TLN2: variants seen among roughly 807,000 people sequenced by gnomAD.
TLN2 encodes talin-2.
A neutral mutation model predicts 294.7 loss-of-function variants in TLN2; 118 were observed. The observed-to-expected ratio is 0.40, with a 90% confidence interval of 0.34 to 0.47. TLN2 has a LOEUF of 0.47. Ranked by LOEUF, TLN2 falls within the 20% of genes least tolerant of loss-of-function variation. TLN2 has a pLI of 0.84. For synonymous variants in TLN2, 1,431 were observed against 1,304.5 expected (o/e 1.10, Z -2.09); for missense variants, 3,083 against 3,282.2 (o/e 0.94, Z 1.48).
chr15:62,768,471 G>A (rs1008778410), intron 41 of TLN2, among the ~76,000 whole-genome samples: 17 of 152,236 alleles, frequency 1.1e-4, no homozygotes, highest in Admixed American at 5.9e-4. Flanking sequence ...GGTAACTCAG[G>A]ACATTCTTAT....
intron 11 of TLN2, among the ~76,000 whole-genome samples, chr15:62,676,696 CCT>C (rs1231470497): frequency 6.6e-6 from 1 of 152,178 alleles, no homozygotes; most frequent in Non-Finnish European, 1.5e-5. Context: ...CTCATTGAAA[CCT>C]CTGCCTCCTG....
intron 1 of TLN2, among the ~76,000 whole-genome samples, chr15:62,405,418 A>G (rs915295867): frequency 6.6e-6 from 1 of 152,198 alleles, no homozygotes; most frequent in Non-Finnish European, 1.5e-5. Context: ...CACAACACCC[A>G]TCTCAACTGA....
chr15:62,487,575 A>G (rs938422655), intron 1 of TLN2, among the ~76,000 whole-genome samples: 2 of 152,102 alleles, frequency 1.3e-5, no homozygotes, highest in African/African-American at 2.4e-5. Flanking sequence ...GCTCATGCCT[A>G]TAATCCAAGC....
chr15:62,525,681 T>C lies in TLN2; in HGVS notation c.-237-64006T>C, dbSNP rs188092608. On this transcript the variant is annotated intron_variant, in intron 1 of 58. Coordinates refer to ENST00000636159, the MANE Select transcript of TLN2 (RefSeq NM_015059.3). ...TTTTATTACTCCTTCAGTAACAGGG[T>C]TCTGGATACCTTATAGAAAATAGGA... Among the ~76,000 whole-genome samples, 25 of 152,356 alleles carry C rather than the reference T, an allele frequency of 1.6e-4. No individual in the cohort carries two copies. The East Asian group carries it at 4.8e-3, about 29-fold the overall frequency.
chr15:62,563,015 T>C (rs1372270009), intron 1 of TLN2, among the ~76,000 whole-genome samples: 7 of 151,298 alleles, frequency 4.6e-5, no homozygotes, highest in Non-Finnish European at 8.8e-5. Flanking sequence ...TTTGGGCTGG[T>C]TCCATGTTTT....
chr15:62,484,611 G>A (rs991455608), intron 1 of TLN2, among the ~76,000 whole-genome samples: 2 of 152,086 alleles, frequency 1.3e-5, no homozygotes, highest in African/African-American at 2.4e-5. Flanking sequence ...ACCTTTTGTA[G>A]AGACAGGGTT....
intron 48 of TLN2, among the ~76,000 whole-genome samples, chr15:62,798,315 T>C (rs1208795850): frequency 6.6e-6 from 1 of 152,174 alleles, no homozygotes; most frequent in African/African-American, 2.4e-5. Context: ...TTTGGCAATT[T>C]CATTGAGATT....
At chr15:62,664,657 G>A (rs574414519) in intron 9 of TLN2, among the ~76,000 whole-genome samples, 8 of 151,792 alleles carry the variant, frequency 5.3e-5, no homozygotes, top group South Asian at 2.1e-4. Flanking sequence ...TTGGGAGTTC[G>A]AAACCAGCCT....
intron 1 of TLN2, among the ~76,000 whole-genome samples, chr15:62,400,347 T>C (rs1469541424): frequency 6.6e-6 from 1 of 152,230 alleles, no homozygotes; most frequent in African/African-American, 2.4e-5. Flanking sequence ...AAAGTTAGAA[T>C]CTCAGTCAAG....
intron 45 of TLN2, chr15:62,784,909 T>C (rs2064514246): frequency 6.6e-6 from 1 of 152,220 alleles, no homozygotes; most frequent in South Asian, 2.1e-4. Context: ...AGTGCTGCTA[T>C]TTCTCCTGGG....
chr15:62,824,071 TA>T (rs1462588961), intron 54 of TLN2: 1 of 483,052 alleles, frequency 2.1e-6, no homozygotes, highest in East Asian at 5.9e-5. Context: ...ATAAAGTTTA[TA>T]AGGCAACAGG....
At chr15:62,584,443 A>G (rs1342669556) in intron 1 of TLN2, among the ~76,000 whole-genome samples, 3 of 152,230 alleles carry the variant, frequency 2.0e-5, no homozygotes, top group Non-Finnish European at 4.4e-5. Flanking sequence ...CAAAAAGGCA[A>G]CGTAGCATAT....
At chr15:62,451,273 G>T (rs542685504) in intron 1 of TLN2, among the ~76,000 whole-genome samples, 1 of 152,192 alleles carries the variant, frequency 6.6e-6, no homozygotes, top group Non-Finnish European at 1.5e-5. Context: ...TGTGTCTAGG[G>T]CGTGGTGTGA....
intron 34 of TLN2, among the ~76,000 whole-genome samples, chr15:62,750,909 C>T (rs190719836): frequency 1.2e-3 from 184 of 152,154 alleles, no homozygotes; most frequent in Non-Finnish European, 2.2e-3. Flanking sequence ...ACTTGACTTA[C>T]GTGGGATCCT....
chr15:62,442,904 G>A (rs2035626379), intron 1 of TLN2, among the ~76,000 whole-genome samples: 1 of 152,222 alleles, frequency 6.6e-6, no homozygotes, highest in South Asian at 2.1e-4. Context: ...TCTTGAGGCC[G>A]CCTGCAGTTC....
At chr15:62,625,928 T>A (rs1041696496) in intron 3 of TLN2, among the ~76,000 whole-genome samples, 5 of 152,112 alleles carry the variant, frequency 3.3e-5, no homozygotes, top group Non-Finnish European at 5.9e-5. Context: ...GGACTGGGGA[T>A]GTCTAGGCTG....
chr15:62,556,549 G>T (rs567997580), intron 1 of TLN2, among the ~76,000 whole-genome samples: 3 of 151,842 alleles, frequency 2.0e-5, no homozygotes, highest in Non-Finnish European at 4.4e-5. Context: ...TCCTCCTGCC[G>T]CAGCCTCCTA....
chr15:62,549,536 A>G (rs931375476), intron 1 of TLN2, among the ~76,000 whole-genome samples: 2 of 135,940 alleles, frequency 1.5e-5, no homozygotes, highest in Non-Finnish European at 3.2e-5. Flanking sequence ...AGTTCCTGCT[A>G]TGTGCCAAGA....
At chr15:62,649,261 G>C (rs1413641983) in intron 4 of TLN2, among the ~76,000 whole-genome samples, 1 of 149,888 alleles carries the variant, frequency 6.7e-6, no homozygotes, top group Non-Finnish European at 1.5e-5. Flanking sequence ...TTACTTTTCT[G>C]TTCCCTTTTT....
Sources: allele counts gnomAD v4.1 joint callset (sites outside exome capture counted in the v4.1 genomes callset), GRCh38; gene constraint gnomAD v4.1.1; transcripts MANE v1.5; gene names NCBI Gene and HGNC (gene_info 2026-07-23, HGNC 2026-07-21).